The following SOD2 variants were observed in gnomAD, a reference collection of about 807,000 sequenced individuals.
SOD2 encodes superoxide dismutase 2.
Under a neutral mutation model 27.0 loss-of-function variants are expected in SOD2, and 11 were observed. That is an observed-to-expected ratio of 0.41 (90% confidence interval 0.26 to 0.67). The LOEUF (loss-of-function observed/expected upper bound fraction) is 0.67. Among genes scored for constraint, SOD2 ranks in the 30% least tolerant of loss-of-function variants. The pLI is 0.34. For synonymous variants in SOD2, 105 were observed against 103.0 expected (o/e 1.02, Z -0.12); for missense variants, 250 against 274.5 (o/e 0.91, Z 0.63).
At chr6:159,697,479 AT>A (rs1252104285), upstream of SOD2, among the ~76,000 whole-genome samples, 2 of 152,130 alleles carry the variant, frequency 1.3e-5, no homozygotes, top group South Asian at 2.1e-4. Context: ...TGTGAGCTTA[AT>A]TTTTTTCCCC....
chr6:159,742,002 A>G, intron 1 of SOD2: 3 of 1,011,762 alleles, frequency 3.0e-6, no homozygotes, highest in Middle Eastern at 2.9e-4. Context: ...CAGTATTACT[A>G]AAATCTGTGA....
At chr6:159,692,896 G>A (rs758931155) in intron 1 of SOD2, 33 bp from the exon 2 acceptor site, 138 of 1,541,572 alleles carry the variant, frequency 9.0e-5, no homozygotes, top group Middle Eastern at 2.1e-4. Flanking sequence ...CGGTCAGTCA[G>A]CGCCGCGGGA....
intron 1 of SOD2, among the ~76,000 whole-genome samples, chr6:159,739,824 C>CT (rs56389349): frequency 0.014 from 1,196 of 85,068 alleles, 13 homozygotes; most frequent in East Asian, 0.023. Flanking sequence ...CACTTTTTAC[C>CT]TTTTTTTTTT....
At chr6:159,694,761 AT>A (rs34851405), upstream of SOD2, among the ~76,000 whole-genome samples, 4,804 of 140,488 alleles carry the variant, frequency 0.034, 249 homozygotes, top group African/African-American at 0.12. Context: ...ACGCCCCACT[AT>A]TTTTTTTTTT....
intron 2 of SOD2, among the ~76,000 whole-genome samples, chr6:159,690,093 G>T (rs970417111): frequency 2.0e-5 from 3 of 151,658 alleles, no homozygotes; most frequent in African/African-American, 7.3e-5. Flanking sequence ...AGACCAGCCT[G>T]GACGACATGG....
intron 1 of SOD2, chr6:159,736,456 C>G (rs995576971): frequency 1.4e-5 from 8 of 570,194 alleles, no homozygotes; most frequent in African/African-American, 5.6e-5. Context: ...GTACAGTGTG[C>G]CAGATATTGT....
chr6:159,711,759 A>T (rs1214908109), intron 1 of SOD2, among the ~76,000 whole-genome samples: 7 of 97,054 alleles, frequency 7.2e-5, no homozygotes, highest in Admixed American at 4.5e-4. Context: ...TGCTCTGATC[A>T]CCATAACCAC....
chr6:159,705,814 G>A (rs1428245395), intron 1 of SOD2, among the ~76,000 whole-genome samples: 1 of 152,118 alleles, frequency 6.6e-6, no homozygotes, highest in African/African-American at 2.4e-5. Context: ...ACACATAATT[G>A]TCAGATTCAC....
chr6:159,729,120 C>A (rs1484402102), upstream of SOD2, among the ~76,000 whole-genome samples: 2 of 152,196 alleles, frequency 1.3e-5, no homozygotes, highest in Non-Finnish European at 2.9e-5. Flanking sequence ...AGCATTGTCA[C>A]AATTTGTACA....
intron 1 of SOD2, among the ~76,000 whole-genome samples, chr6:159,734,876 GTGTTTA>G (rs916788097): frequency 3.9e-5 from 6 of 151,900 alleles, no homozygotes; most frequent in Non-Finnish European, 8.8e-5. Flanking sequence ...TTTTAATGTG[GTGTTTA>G]TGTTTATTAC....
At chr6:159,731,902 C>T (rs1778594297), upstream of SOD2, among the ~76,000 whole-genome samples, 2 of 152,120 alleles carry the variant, frequency 1.3e-5, no homozygotes, top group African/African-American at 4.8e-5. Flanking sequence ...AACAGATTAT[C>T]ATCTCATTTT....
upstream of SOD2, among the ~76,000 whole-genome samples, chr6:159,746,808 T>C (rs1779603768): frequency 6.6e-6 from 1 of 152,248 alleles, no homozygotes; most frequent in East Asian, 1.9e-4. Context: ...CTCAGTGTTC[T>C]CTTCCCTAGA....
chr6:159,732,592 T>A (rs1001000545), intron 1 of SOD2, among the ~76,000 whole-genome samples: 1 of 152,178 alleles, frequency 6.6e-6, no homozygotes, highest in Non-Finnish European at 1.5e-5. Context: ...CCCAACACTT[T>A]GGGAGGCCAA....
At chr6:159,707,654 C>T (rs1777653208) in intron 1 of SOD2, among the ~76,000 whole-genome samples, 1 of 152,164 alleles carries the variant, frequency 6.6e-6, no homozygotes, top group Non-Finnish European at 1.5e-5. Context: ...AAGTCCAGGA[C>T]TAGACGGATT....
In SOD2 at chr6:159,669,152, A is replaced by C. The variant is rs562296767; in HGVS notation, c.*13341T>G. 50 of 152,332 alleles carry C rather than the reference A, an allele frequency of 3.3e-4. No individual in the cohort carries two copies. Among genetic ancestry groups the C allele is most frequent in the African/African-American group, 1.1e-3 (47 of 41,574 alleles). The allele number at this position is 152,332 out of a possible 1,614,324, so 9.4% of individuals were successfully genotyped here. ...TTCCCCCTACAACTAATAAGGTACA[A>C]ATAAAAGGCGTTCTGTCGGAATTAT... On this transcript the variant is annotated 3_prime_UTR_variant, in exon 5 of 5. Coordinates refer to ENST00000538183, the MANE Select transcript of SOD2 (RefSeq NM_000636.4).
intron 1 of SOD2, chr6:159,753,385 T>TAG: frequency 6.3e-7 from 1 of 1,591,930 alleles, no homozygotes; most frequent in South Asian, 1.1e-5. Context: ...GTGTTACATC[T>TAG]ATCACTGTAA....
chr6:159,736,025 G>A (rs73601308), intron 1 of SOD2, among the ~76,000 whole-genome samples: 12,629 of 152,102 alleles, frequency 0.083, 1,161 homozygotes, highest in African/African-American at 0.22. Context: ...TAACTCTAAT[G>A]ATGGAAGATG....
upstream of SOD2, among the ~76,000 whole-genome samples, chr6:159,745,728 A>G (rs997737387): frequency 5.3e-5 from 8 of 152,222 alleles, no homozygotes; most frequent in African/African-American, 1.2e-4. Flanking sequence ...TTTTAGGTAG[A>G]TCACTCTGAC....
At chr6:159,688,354 T>TA in intron 2 of SOD2, 112 bp from the exon 3 acceptor site, 1 of 686,792 alleles carries the variant, frequency 1.5e-6, no homozygotes, top group South Asian at 1.7e-5. Context: ...AGCTTATCTA[T>TA]AACATCCGTT....
Sources: allele counts gnomAD v4.1 joint callset (sites outside exome capture counted in the v4.1 genomes callset), GRCh38; gene constraint gnomAD v4.1.1; transcripts MANE v1.5; gene names NCBI Gene and HGNC (gene_info 2026-07-23, HGNC 2026-07-21).